Variants in XKR9 observed in about 807,000 individuals in gnomAD.
XKR9 encodes the protein XK-related protein 9.
A neutral mutation model predicts 32.0 loss-of-function variants in XKR9; 32 were observed. The observed-to-expected ratio is 1.00, with a 90% CI of 0.76 to 1.34. The LOEUF (loss-of-function observed/expected upper bound fraction) is 1.34, where lower values mean the gene tolerates loss of function less well. XKR9 is among the 40% of genes most tolerant of loss of function. The pLI is 0.00. For synonymous variants in XKR9, 168 were observed against 143.4 expected (o/e 1.17, Z -1.22); for missense variants, 546 against 429.7 (o/e 1.27, Z -2.39).
the XKR9 span, among the ~76,000 whole-genome samples, chr8:71,030,075 A>AT: frequency 1.5e-4 from 23 of 152,118 alleles, no homozygotes; most frequent in Admixed American, 1.3e-3. Flanking sequence ...TATAGGACCT[A>AT]AGCCAGGAAT....
In XKR9 at chr8:70,776,923, TTC is replaced by T. The variant is rs369388439; in HGVS notation, n.353-12392_353-12391del. 2.3e-3 allele frequency among the ~76,000 whole-genome samples: 137 copies of T among 59,616 alleles called. 5 individuals carry two copies. Among genetic ancestry groups the T allele is most frequent in the Non-Finnish European group, 3.6e-3 (113 of 31,118 alleles). 39.1% of individuals were successfully genotyped at this position (59,616 alleles called of 152,430 possible). On this transcript the variant is annotated intron_variant and non_coding_transcript_variant, in intron 2 of 3. Transcript: ENST00000520273. ...TGCATTTAGCAGGTTTTCTCTTTCTTTCTCTCTCTCTCTCTCTCTCTCTCTAT... is the reference window on the plus strand; with the variant it reads ...TGCATTTAGCAGGTTTTCTCTTTCTTTCTCTCTCTCTCTCTCTCTCTCTAT...
the XKR9 span, among the ~76,000 whole-genome samples, chr8:70,998,411 A>G: frequency 1.3e-5 from 2 of 152,178 alleles, no homozygotes; most frequent in Non-Finnish European, 2.9e-5. Flanking sequence ...CTATCCTTTT[A>G]GGCCTCCAAT....
At chr8:70,848,332 A>G in the XKR9 span, among the ~76,000 whole-genome samples, 1 of 152,052 alleles carries the variant, frequency 6.6e-6, no homozygotes, top group African/African-American at 2.4e-5. Context: ...TGACAGACAC[A>G]TAGCTAGCAT....
chr8:71,057,163 G>A, the XKR9 span, among the ~76,000 whole-genome samples: 2 of 152,124 alleles, frequency 1.3e-5, no homozygotes, highest in African/African-American at 2.4e-5. Context: ...CTGGTATTGT[G>A]GGAAAACTTC....
Position 70,734,409 on chromosome 8 carries a change from T to A in XKR9, c.1107T>A (p.Tyr369Ter). The change falls in exon 5 of 5, where the codon TAT (tyrosine) becomes TAA (stop). Residue 369 changes from tyrosine (Y) to a stop codon, truncating the protein, a stop_gained. Coordinates refer to ENST00000408926, the MANE Select transcript of XKR9 (RefSeq NM_001011720.2). LOFTEE classifies it high-confidence loss of function. ...KPVLRECRMR[Y>*]FLME The stretch of plus-strand genomic sequence containing the variant: ...TTCTAAGAGAATGTAGAATGAGATA[T>A]TTCCTAATGGAATAAGCTATTCATT... 6.3e-7 allele frequency: 1 copy of A among 1,585,168 alleles called. No homozygotes were observed. Among genetic ancestry groups the A allele is most frequent in the South Asian group, 1.2e-5 (1 of 86,138 alleles).
At chr8:70,813,861 C>A in the XKR9 span, among the ~76,000 whole-genome samples, 2 of 152,296 alleles carry the variant, frequency 1.3e-5, no homozygotes, top group South Asian at 4.1e-4. Flanking sequence ...TAAACTAGTT[C>A]AACCATTGTG....
At chr8:70,710,762 CAAA>C (rs367840561) in intron 4 of XKR9, among the ~76,000 whole-genome samples, 2 of 150,066 alleles carry the variant, frequency 1.3e-5, no homozygotes, top group African/African-American at 2.4e-5. Flanking sequence ...GCAATTGCAA[CAAA>C]AAAAAAGTTG....
the XKR9 span, among the ~76,000 whole-genome samples, chr8:70,942,157 A>G: frequency 6.6e-6 from 1 of 152,150 alleles, no homozygotes; most frequent in Non-Finnish European, 1.5e-5. Context: ...AGTCTCCATG[A>G]AAGTTAAGAA....
At position 70,669,428 on chromosome 8, in the gene XKR9, G is replaced by C; in HGVS notation, c.-471G>C. Reference sequence around the variant, plus strand: ...GTGGCGTGAGGCGAAGCTGGAATCTGCCTCTGTCACGGGGGCTGGTGCCTC... The same window carrying C: ...GTGGCGTGAGGCGAAGCTGGAATCTCCCTCTGTCACGGGGGCTGGTGCCTC... On this transcript the variant is annotated 5_prime_UTR_variant, in exon 1 of 5. Transcript: ENST00000408926. 1 of 363,982 alleles carries C rather than the reference G, an allele frequency of 2.7e-6. No homozygotes were observed. The highest frequency in any genetic ancestry group is 3.0e-5 in the South Asian group (1 of 33,228). The allele number at this position is 363,982 out of a possible 1,614,324, so 22.5% of individuals were successfully genotyped here.
rs1211922940 is a variant in XKR9 at position 70,671,685 on chromosome 8, A to T, written c.-361+2147A>T. Among the ~76,000 whole-genome samples, 5 of 83,398 alleles carry T rather than the reference A, an allele frequency of 6.0e-5. No homozygotes were observed. The East Asian group carries it at 1.1e-3, about 18-fold the overall frequency. The allele number at this position is 83,398 out of a possible 152,430, so 54.7% of individuals were successfully genotyped here. ...AACTCATCATTTTTTATGGCTGCAT[A>T]GTATTCCATGGTGTATATGTGCCAC... On this transcript the variant is annotated intron_variant, in intron 1 of 4. Transcript: ENST00000408926.
intron 2 of XKR9, among the ~76,000 whole-genome samples, chr8:70,777,825 T>A (rs1364117322): frequency 6.6e-6 from 1 of 152,184 alleles, no homozygotes; most frequent in Admixed American, 6.5e-5. Flanking sequence ...GTAAATTTGT[T>A]GAAATTCTTT....
the XKR9 span, among the ~76,000 whole-genome samples, chr8:70,990,833 T>G: frequency 8.6e-5 from 13 of 151,944 alleles, no homozygotes; most frequent in African/African-American, 2.7e-4. Flanking sequence ...TTCAGAAACT[T>G]GGGATCATTT....
the XKR9 span, among the ~76,000 whole-genome samples, chr8:70,865,539 G>C: frequency 1.3e-5 from 2 of 150,910 alleles, no homozygotes; most frequent in African/African-American, 2.4e-5. Context: ...TTAAAGTTTT[G>C]TTTTCTGCAA....
chr8:71,050,395 G>A, the XKR9 span, among the ~76,000 whole-genome samples: 1 of 151,396 alleles, frequency 6.6e-6, no homozygotes, highest in East Asian at 1.9e-4. Context: ...ATTCTTAAAT[G>A]GGGAGATATA....
chr8:70,909,703 C>CTTTTTT, the XKR9 span, among the ~76,000 whole-genome samples: 6 of 91,206 alleles, frequency 6.6e-5, no homozygotes, highest in East Asian at 2.7e-4. Context: ...TCGATTTATC[C>CTTTTTT]TTTTTTTTTT....
chr8:71,062,253 GA>G, the XKR9 span, among the ~76,000 whole-genome samples: 1 of 152,108 alleles, frequency 6.6e-6, no homozygotes, highest in African/African-American at 2.4e-5. Flanking sequence ...GATGCTATAA[GA>G]AAATACCATC....
chr8:70,996,005 A>AT, the XKR9 span, among the ~76,000 whole-genome samples: 48,421 of 151,934 alleles, frequency 0.32, 9,030 homozygotes, highest in Non-Finnish European at 0.43. Flanking sequence ...ACTACCTTCT[A>AT]TTGTATGTAT....
the XKR9 span, among the ~76,000 whole-genome samples, chr8:70,853,042 A>T: frequency 5.8e-4 from 89 of 152,268 alleles, no homozygotes; most frequent in African/African-American, 2.1e-3. Flanking sequence ...GTACATATAC[A>T]CAATGGAATA....
chr8:70,757,928 C>A (rs578074552), intron 2 of XKR9, among the ~76,000 whole-genome samples: 1 of 152,156 alleles, frequency 6.6e-6, no homozygotes, highest in East Asian at 1.9e-4. Flanking sequence ...AACTATTTTT[C>A]TGTTAAATCT....
Sources: gnomAD v4.1 joint callset for allele counts (sites outside exome capture counted in the v4.1 genomes callset) on GRCh38, gnomAD v4.1.1 for gene constraint, MANE v1.5 for transcripts, NCBI Gene and HGNC (gene_info 2026-07-23, HGNC 2026-07-21) for gene names.